Variants in SLC16A10 observed in about 807,000 individuals in gnomAD.
SLC16A10 encodes the protein monocarboxylate transporter 10.
SLC16A10 carries 27 observed loss-of-function variants against 40.0 expected under a neutral mutation model. That is an observed-to-expected ratio of 0.67 (90% CI 0.50 to 0.93). The LOEUF (loss-of-function observed/expected upper bound fraction) is 0.93. Ranked by LOEUF, SLC16A10 falls within the 40% of genes least tolerant of loss-of-function variation. The pLI is 0.00. For synonymous variants in SLC16A10, 213 were observed against 249.8 expected (o/e 0.85, Z 1.39); for missense variants, 529 against 658.2 (o/e 0.80, Z 2.15).
At chr6:111,165,432 A>T (rs547732695) in intron 1 of SLC16A10, among the ~76,000 whole-genome samples, 1 of 152,222 alleles carries the variant, frequency 6.6e-6, no homozygotes. Flanking sequence ...GTGAAACAAG[A>T]TGCAAGAAGA....
chr6:111,189,672 T>TCTTA (rs1772957658), intron 3 of SLC16A10, among the ~76,000 whole-genome samples: 1 of 152,114 alleles, frequency 6.6e-6, no homozygotes, highest in Non-Finnish European at 1.5e-5. Flanking sequence ...CAAAGGCATG[T>TCTTA]CTTACATGGT....
At chr6:111,167,649 G>A (rs201716193) in intron 1 of SLC16A10, among the ~76,000 whole-genome samples, 1 of 123,198 alleles carries the variant, frequency 8.1e-6, no homozygotes, top group Non-Finnish European at 1.8e-5. Context: ...TATTTATTGT[G>A]TGTGTGTGTA....
At chr6:111,201,098 T>G (rs1001916001) in intron 3 of SLC16A10, among the ~76,000 whole-genome samples, 1 of 152,184 alleles carries the variant, frequency 6.6e-6, no homozygotes, top group Non-Finnish European at 1.5e-5. Context: ...CCTGAAGAGT[T>G]TATTCTCCTA....
intron 1 of SLC16A10, among the ~76,000 whole-genome samples, chr6:111,116,184 C>T (rs898199840): frequency 1.3e-5 from 2 of 151,932 alleles, no homozygotes; most frequent in Non-Finnish European, 2.9e-5. Flanking sequence ...TTCACTATAC[C>T]ATTACTATAA....
At chr6:111,150,349 A>G (rs949317270) in intron 1 of SLC16A10, among the ~76,000 whole-genome samples, 7 of 152,208 alleles carry the variant, frequency 4.6e-5, no homozygotes, top group Admixed American at 3.9e-4. Context: ...TTCTTTATAA[A>G]TTACCCAGTC....
rs1056620497 is a variant in SLC16A10 at position 111,224,649 on chromosome 6, A to G, written c.*2414A>G. ...ATATAAAATTAAGAAGAAAAAGTAT[A>G]AACGTAAGATGCTAAATTCCATAAA... On this transcript the variant is annotated 3_prime_UTR_variant, in exon 6 of 6. Coordinates refer to ENST00000368851, the MANE Select transcript of SLC16A10 (RefSeq NM_018593.5). 1.4e-4 allele frequency: 22 copies of G among 152,252 alleles called. No homozygotes were observed. The highest frequency in any genetic ancestry group is 5.1e-4 in the African/African-American group (21 of 41,474). 9.4% of individuals were successfully genotyped at this position (152,252 alleles called of 1,614,324 possible).
intron 1 of SLC16A10, among the ~76,000 whole-genome samples, chr6:111,152,628 G>A (rs922826621): frequency 2.5e-4 from 38 of 152,230 alleles, no homozygotes; most frequent in African/African-American, 8.9e-4. Flanking sequence ...AGAGAGTATA[G>A]AAATGGTTGA....
In SLC16A10 at chr6:111,112,189, C is replaced by A. The variant is rs2114460069; in HGVS notation, c.343+24094C>A. Among the ~76,000 whole-genome samples, 2 of 152,022 alleles carry A rather than the reference C, an allele frequency of 1.3e-5. 1 individual carries two copies. The highest frequency in any genetic ancestry group is 6.8e-3 in the Middle Eastern group (2 of 294). On this transcript the variant is annotated intron_variant, in intron 1 of 5. Transcript: ENST00000368851. ...GGACTACATGCATGCACCACCATGC[C>A]TGGCTAATTAAAAAAAAATTTTTTT...
In SLC16A10 at chr6:111,087,623, C is replaced by G; in HGVS notation, c.-130C>G. On this transcript the variant is annotated 5_prime_UTR_variant, in exon 1 of 6. Coordinates refer to ENST00000368851, the MANE Select transcript of SLC16A10 (RefSeq NM_018593.5). ...CGCCTGCGCGCTGCCAGCCCGCCCG[C>G]CCGCCAGGGGCTCCGCCGCCCTCGC... The G allele has an allele frequency of 2.2e-6, 1 of 460,396 alleles. No homozygotes were observed. The allele number at this position is 460,396 out of a possible 1,614,324, so 28.5% of individuals were successfully genotyped here.
At chr6:111,105,472 T>G (rs1554255916) in intron 1 of SLC16A10, among the ~76,000 whole-genome samples, 1 of 152,208 alleles carries the variant, frequency 6.6e-6, no homozygotes, top group Non-Finnish European at 1.5e-5. Flanking sequence ...TTGAGAAATA[T>G]GGACTGTTTT....
intron 1 of SLC16A10, among the ~76,000 whole-genome samples, chr6:111,113,892 T>A (rs1258650619): frequency 6.6e-6 from 1 of 152,116 alleles, no homozygotes; most frequent in Non-Finnish European, 1.5e-5. Flanking sequence ...GGGTCTGAGG[T>A]CTCAGTGCCT....
chr6:111,197,000 G>C (rs1264018766), intron 3 of SLC16A10, among the ~76,000 whole-genome samples: 2 of 152,132 alleles, frequency 1.3e-5, no homozygotes, highest in African/African-American at 4.8e-5. Context: ...AATAAGAAAA[G>C]GAGCAGTTGG....
intron 5 of SLC16A10, among the ~76,000 whole-genome samples, chr6:111,219,466 T>C (rs1191920786): frequency 1.3e-5 from 2 of 151,952 alleles, no homozygotes; most frequent in African/African-American, 4.8e-5. Context: ...AGGTCAAGGC[T>C]GCAGTGAGCT....
intron 1 of SLC16A10, among the ~76,000 whole-genome samples, chr6:111,130,589 G>A (rs1360652438): frequency 6.6e-6 from 1 of 152,092 alleles, no homozygotes; most frequent in Non-Finnish European, 1.5e-5. Flanking sequence ...TGCATTACAT[G>A]CTGCAGCCTC....
rs1315818760 is a variant in SLC16A10 at position 111,228,696 on chromosome 6, T to A, written c.*6461T>A. 6.6e-6 allele frequency: 1 copy of A among 152,170 alleles called. No homozygotes were observed. The highest frequency in any genetic ancestry group is 1.5e-5 in the Non-Finnish European group (1 of 68,038). 9.4% of individuals were successfully genotyped at this position (152,170 alleles called of 1,614,324 possible). A position where few individuals can be genotyped will look rare whatever the true frequency, so the allele number is the denominator to read the frequency against. ...AGTCAAAGTATCTTTCATAATTCAG[T>A]CTATATTGAAATGTTATTTCAGGAA... On this transcript the variant is annotated 3_prime_UTR_variant, in exon 6 of 6. Coordinates refer to ENST00000368851, the MANE Select transcript of SLC16A10 (RefSeq NM_018593.5).
At chr6:111,102,356 A>G (rs942431515) in intron 1 of SLC16A10, among the ~76,000 whole-genome samples, 5 of 152,038 alleles carry the variant, frequency 3.3e-5, no homozygotes, top group African/African-American at 7.2e-5. Flanking sequence ...TTTTATTAGT[A>G]TTTGCTAATT....
At chr6:111,214,509 T>C (rs1332572530) in intron 4 of SLC16A10, among the ~76,000 whole-genome samples, 1 of 152,212 alleles carries the variant, frequency 6.6e-6, no homozygotes, top group Non-Finnish European at 1.5e-5. Flanking sequence ...CAGGCATCCC[T>C]GCATATAAGG....
rs57463212 is a variant in SLC16A10 at position 111,161,222 on chromosome 6, C to CAAAAAAA, written c.344-11455_344-11449dup. Among the ~76,000 whole-genome samples the CAAAAAAA allele has an allele frequency of 6.1e-4, 26 of 42,330 alleles. 1 individual carries two copies. Among genetic ancestry groups the CAAAAAAA allele is most frequent in the East Asian group, 2.7e-3 (3 of 1,130 alleles). The allele number at this position is 42,330 out of a possible 152,430, so 27.8% of individuals were successfully genotyped here. A position where few individuals can be genotyped will look rare whatever the true frequency, so the allele number is the denominator to read the frequency against. On this transcript the variant is annotated intron_variant, in intron 1 of 5. Coordinates refer to ENST00000368851, the MANE Select transcript of SLC16A10 (RefSeq NM_018593.5). The stretch of plus-strand genomic sequence containing the variant: ...TGGCTGACATAGCGAGACAGTGTCT[C>CAAAAAAA]AAAAAAAAAAAAAAAAAAAAAAAAG...
intron 3 of SLC16A10, among the ~76,000 whole-genome samples, chr6:111,181,414 T>C (rs897482883): frequency 6.6e-6 from 1 of 152,090 alleles, no homozygotes; most frequent in Non-Finnish European, 1.5e-5. Context: ...GGCATAAAAA[T>C]GGGAGTTATT....
Sources: gnomAD v4.1 joint callset for allele counts (sites outside exome capture counted in the v4.1 genomes callset) on GRCh38, gnomAD v4.1.1 for gene constraint, MANE v1.5 for transcripts, NCBI Gene and HGNC (gene_info 2026-07-23, HGNC 2026-07-21) for gene names.